Variants in METTL24 observed in about 807,000 individuals in gnomAD.
METTL24 encodes probable methyltransferase-like protein 24.
METTL24 carries 29 observed loss-of-function variants against 32.7 expected under a neutral mutation model. That is an observed-to-expected ratio of 0.89 (90% CI 0.66 to 1.21). The LOEUF is 1.21. METTL24 is among the 50% of genes most tolerant of loss of function. The pLI, the probability that METTL24 is intolerant of heterozygous loss-of-function variation, is 0.00. For synonymous variants in METTL24, 163 were observed against 179.5 expected (o/e 0.91, Z 0.73); for missense variants, 439 against 468.1 (o/e 0.94, Z 0.57).
At chr6:110,302,502 TACACATATACAC>T (rs1771539352) in intron 3 of METTL24, among the ~76,000 whole-genome samples, 1 of 77,206 alleles carries the variant, frequency 1.3e-5, no homozygotes, top group Non-Finnish European at 2.6e-5. Flanking sequence ...TGTGTATATA[TACACATATACAC>T]ACACATATGT....
intron 1 of METTL24, among the ~76,000 whole-genome samples, chr6:110,356,242 G>A (rs1227035323): frequency 6.6e-6 from 1 of 151,956 alleles, no homozygotes; most frequent in African/African-American, 2.4e-5. Context: ...TCAGGAGTTC[G>A]ATACCAGCCT....
chr6:110,298,011 G>T (rs1771451101), intron 4 of METTL24, among the ~76,000 whole-genome samples: 1 of 151,954 alleles, frequency 6.6e-6, no homozygotes, highest in South Asian at 2.1e-4. Flanking sequence ...GAAAAGGGAG[G>T]AAGAGGGGAG....
At chr6:110,277,160 T>C (rs978572607) in intron 4 of METTL24, among the ~76,000 whole-genome samples, 2 of 152,160 alleles carry the variant, frequency 1.3e-5, no homozygotes, top group African/African-American at 4.8e-5. Flanking sequence ...TTCGTGAAAT[T>C]ACAAAAGCCT....
chr6:110,251,123 A>C (rs1778270407), intron 4 of METTL24, among the ~76,000 whole-genome samples: 1 of 152,222 alleles, frequency 6.6e-6, no homozygotes, highest in African/African-American at 2.4e-5. Flanking sequence ...TCTAGCGCGC[A>C]TTCAAGGGGA....
At chr6:110,356,236 G>A (rs1772694397) in intron 1 of METTL24, among the ~76,000 whole-genome samples, 1 of 152,052 alleles carries the variant, frequency 6.6e-6, no homozygotes, top group Non-Finnish European at 1.5e-5. Flanking sequence ...TTGAGGTCAG[G>A]AGTTCGATAC....
At chr6:110,314,441 C>CA (rs1393243439) in intron 3 of METTL24, among the ~76,000 whole-genome samples, 1 of 152,084 alleles carries the variant, frequency 6.6e-6, no homozygotes, top group Non-Finnish European at 1.5e-5. Flanking sequence ...CATCCTTTCA[C>CA]AAAAAAGCTC....
intron 4 of METTL24, among the ~76,000 whole-genome samples, chr6:110,258,259 G>A (rs1778421435): frequency 6.6e-6 from 1 of 152,156 alleles, no homozygotes. Flanking sequence ...TGTCTCAGAG[G>A]CAAAATTAAA....
intron 4 of METTL24, among the ~76,000 whole-genome samples, chr6:110,273,141 A>G (rs762250235): frequency 1.3e-5 from 2 of 152,086 alleles, no homozygotes; most frequent in East Asian, 1.9e-4. Flanking sequence ...TGATTTTTGT[A>G]TAAGGTGAGA....
At chr6:110,293,655 CT>C (rs1771360160) in intron 4 of METTL24, among the ~76,000 whole-genome samples, 2 of 151,748 alleles carry the variant, frequency 1.3e-5, no homozygotes, top group Non-Finnish European at 2.9e-5. Flanking sequence ...TGATTACACA[CT>C]GTATGATTCT....
chr6:110,302,275 C>CAA (rs1227639332), intron 3 of METTL24, among the ~76,000 whole-genome samples: 18 of 133,514 alleles, frequency 1.3e-4, no homozygotes, highest in African/African-American at 5.0e-4. Context: ...GAGACTCCAT[C>CAA]AAAAAAAAAA....
chr6:110,338,334 C>G (rs1359931971), intron 1 of METTL24, among the ~76,000 whole-genome samples: 1 of 152,122 alleles, frequency 6.6e-6, no homozygotes, highest in African/African-American at 2.4e-5. Context: ...CCTATCTCTA[C>G]TAAAAATACA....
chr6:110,309,689 T>C (rs1360664596), intron 3 of METTL24, among the ~76,000 whole-genome samples: 1 of 152,264 alleles, frequency 6.6e-6, no homozygotes, highest in East Asian at 1.9e-4. Flanking sequence ...TCTTATTCAC[T>C]GTCACGAGAA....
chr6:110,356,295 TAGCC>T (rs1772695466), intron 1 of METTL24, among the ~76,000 whole-genome samples: 1 of 151,768 alleles, frequency 6.6e-6, no homozygotes, highest in African/African-American at 2.4e-5. Context: ...ATACAAAAAT[TAGCC>T]CAGCGTGGTG....
At chr6:110,355,215 G>A (rs1251029561) in intron 1 of METTL24, among the ~76,000 whole-genome samples, 2 of 152,166 alleles carry the variant, frequency 1.3e-5, no homozygotes, top group Non-Finnish European at 2.9e-5. Flanking sequence ...ATGAAGCAGG[G>A]TTGCTATGGG....
intron 2 of METTL24, among the ~76,000 whole-genome samples, chr6:110,316,331 A>G (rs1771818692): frequency 6.6e-6 from 1 of 152,218 alleles, no homozygotes; most frequent in South Asian, 2.1e-4. Context: ...TCTGACTTGT[A>G]TTTGAGGCTA....
intron 1 of METTL24, among the ~76,000 whole-genome samples, chr6:110,328,171 A>C (rs1582428734): frequency 6.6e-6 from 1 of 152,152 alleles, no homozygotes; most frequent in African/African-American, 2.4e-5. Flanking sequence ...TTTCTAAACC[A>C]CCAGGGCATT....
At position 110,245,366 on chromosome 6, in the gene METTL24, TA is replaced by T. The variant is rs1333503850; in HGVS notation, c.*579del. 6.6e-6 allele frequency among the ~76,000 whole-genome samples: 1 copy of T among 152,170 alleles called. No individual in the cohort carries two copies. Among genetic ancestry groups the T allele is most frequent in the Non-Finnish European group, 1.5e-5 (1 of 68,032 alleles). On this transcript the variant is annotated 3_prime_UTR_variant, in exon 5 of 5. Coordinates refer to ENST00000338882, the MANE Select transcript of METTL24 (RefSeq NM_001123364.3). ...GAAGCTCTTGATAGTCTAGTCTCTTTAACTCAGTGACAGAATTTGGTGCATC... is the reference window on the plus strand; with the variant it reads ...GAAGCTCTTGATAGTCTAGTCTCTTTACTCAGTGACAGAATTTGGTGCATC...
intron 1 of METTL24, among the ~76,000 whole-genome samples, chr6:110,335,563 ATTG>A (rs1562241075): frequency 4.4e-5 from 5 of 113,624 alleles, no homozygotes; most frequent in African/African-American, 1.4e-4. Flanking sequence ...GTAGGGAATC[ATTG>A]TTTTTTTTTT....
chr6:110,261,935 C>T (rs6910102), intron 4 of METTL24, among the ~76,000 whole-genome samples: 4,235 of 152,118 alleles, frequency 0.028, 224 homozygotes, highest in African/African-American at 0.095. Context: ...AAAGACACAA[C>T]GTACCGGAAT....
Sources: allele counts gnomAD v4.1 joint callset (sites outside exome capture counted in the v4.1 genomes callset), GRCh38; gene constraint gnomAD v4.1.1; transcripts MANE v1.5; gene names NCBI Gene and HGNC (gene_info 2026-07-23, HGNC 2026-07-21).